The following ATP2B2 variants were observed in gnomAD, a reference collection of about 807,000 sequenced individuals.
ATP2B2 encodes the protein ATPase plasma membrane Ca2+ transporting 2.
Under a neutral mutation model 120.0 loss-of-function variants are expected in ATP2B2, and 15 were observed. The ratio of observed to expected loss-of-function variants is 0.12; its 90% CI spans 0.08 to 0.19. The LOEUF is 0.19. ATP2B2 is among the 10% of genes least tolerant of loss of function. ATP2B2 has a pLI of 1.00. For synonymous variants in ATP2B2, 694 were observed against 700.3 expected (o/e 0.99, Z 0.14); for missense variants, 1,045 against 1,719.8 (o/e 0.61, Z 6.94).
At chr3:10,369,102 T>C (rs557039120) in intron 12 of ATP2B2, among the ~76,000 whole-genome samples, 42 of 152,354 alleles carry the variant, frequency 2.8e-4, no homozygotes, top group African/African-American at 9.9e-4. Context: ...TTTCCCAGTC[T>C]AGGCTCATTT....
At chr3:10,524,542 T>C (rs371778100) in intron 3 of ATP2B2, among the ~76,000 whole-genome samples, 42 of 152,162 alleles carry the variant, frequency 2.8e-4, no homozygotes, top group African/African-American at 8.9e-4. Flanking sequence ...GCTGCTCCTC[T>C]TCCTCTTTTC....
intron 5 of ATP2B2, among the ~76,000 whole-genome samples, chr3:10,390,745 G>A (rs956982854): frequency 1.3e-5 from 2 of 152,188 alleles, no homozygotes; most frequent in African/African-American, 2.4e-5. Flanking sequence ...GAAGGACAGT[G>A]CTTTTTTTCC....
intron 1 of ATP2B2, among the ~76,000 whole-genome samples, chr3:10,656,136 G>A (rs1417962476): frequency 6.6e-6 from 1 of 152,180 alleles, no homozygotes. Flanking sequence ...GAGTTTGGAG[G>A]AGGGAAGGTA....
intron 2 of ATP2B2, among the ~76,000 whole-genome samples, chr3:10,572,310 G>A (rs1401932115): frequency 6.6e-6 from 1 of 152,146 alleles, no homozygotes; most frequent in East Asian, 1.9e-4. Flanking sequence ...TAATACACAG[G>A]CCGAAAAACA....
rs201559992 is a variant in ATP2B2, at chr3:10,643,815, G to GA, written c.-459-23855dup. 1.3e-3 allele frequency among the ~76,000 whole-genome samples: 201 copies of GA among 150,222 alleles called. 7 individuals carry two copies. The highest frequency in any genetic ancestry group is 0.011 in the Admixed American group (167 of 15,116). ...TCCTAGACTGGATCCTGTGCTGGAGGAAAAAAAAATGGGTCAATTGACAAA... is the reference window on the plus strand; with the variant it reads ...TCCTAGACTGGATCCTGTGCTGGAGGAAAAAAAAAATGGGTCAATTGACAAA... On this transcript the variant is annotated intron_variant, in intron 1 of 21. Transcript: ENST00000646379.
chr3:10,663,382 C>T (rs1181384691), intron 1 of ATP2B2, among the ~76,000 whole-genome samples: 1 of 152,054 alleles, frequency 6.6e-6, no homozygotes, highest in Admixed American at 6.6e-5. Flanking sequence ...CAGCCAGGGA[C>T]AGGGGAAAAA....
rs564958958 is a variant in ATP2B2, at chr3:10,498,404, G to A, written c.-320+7061C>T. ...CTTCAGAAGGATCAGTGAGCTGGAG[G>A]CCAGCACCCTCTGCTCCGGATGAGC... is the stretch of plus-strand genomic sequence containing the variant. On this transcript the variant is annotated intron_variant, in intron 1 of 22. Coordinates refer to ENST00000360273, the MANE Select transcript of ATP2B2 (RefSeq NM_001001331.4). Among the ~76,000 whole-genome samples, 14 of 152,386 alleles carry A rather than the reference G, an allele frequency of 9.2e-5. No individual in the cohort carries two copies. The South Asian group carries it at 2.9e-3, about 32-fold the overall frequency.
intron 2 of ATP2B2, among the ~76,000 whole-genome samples, chr3:10,434,446 G>A (rs186545489): frequency 6.6e-6 from 1 of 152,182 alleles, no homozygotes; most frequent in Non-Finnish European, 1.5e-5. Flanking sequence ...TTCAGCAGGT[G>A]GTGGCACAAC....
At chr3:10,407,598 TG>T (rs1471741801) in intron 3 of ATP2B2, among the ~76,000 whole-genome samples, 3 of 152,296 alleles carry the variant, frequency 2.0e-5, no homozygotes, top group South Asian at 2.1e-4. Context: ...AGGCGGGCAG[TG>T]GACCTCTGAG....
chr3:10,350,364 T>C lies in ATP2B2; in HGVS notation c.2316+34A>G, dbSNP rs756041328. 7.4e-6 allele frequency: 12 copies of C among 1,613,966 alleles called. No homozygotes were observed. The East Asian group carries it at 2.2e-4, about 30-fold the overall frequency. ...ACCTCCCAGCTCCCATCTGAGCGCG[T>C]TCCCCTGAGGATGCTTTACGTTGGG... is the stretch of plus-strand genomic sequence containing the variant. On this transcript the variant is annotated intron_variant, in intron 15 of 22. Transcript: ENST00000360273.
rs576438380 is a variant in ATP2B2, at chr3:10,398,569, G to A, written c.781+2384C>T. ...TGGGATCCCTGCTGAGACATGGAAT[G>A]CCTTCTGTCTGTCCCCAGTCCCCTT... On this transcript the variant is annotated intron_variant, in intron 5 of 22. Coordinates refer to ENST00000360273, the MANE Select transcript of ATP2B2 (RefSeq NM_001001331.4). Among the ~76,000 whole-genome samples the A allele has an allele frequency of 3.9e-5, 6 of 152,324 alleles. No homozygotes were observed. The East Asian group carries it at 9.7e-4, about 25-fold the overall frequency.
intron 2 of ATP2B2, among the ~76,000 whole-genome samples, chr3:10,432,506 C>T (rs1186451034): frequency 1.3e-5 from 2 of 152,236 alleles, no homozygotes; most frequent in African/African-American, 2.4e-5. Context: ...GAGAGTTTTG[C>T]GGCCTGGCCT....
intron 1 of ATP2B2, among the ~76,000 whole-genome samples, chr3:10,629,348 TATAC>T (rs2069798551): frequency 6.6e-6 from 1 of 152,202 alleles, no homozygotes; most frequent in Non-Finnish European, 1.5e-5. Context: ...GATCTGGGTA[TATAC>T]ATTATCTGGG....
chr3:10,704,327 C>T (rs192467952), intron 1 of ATP2B2, among the ~76,000 whole-genome samples: 5 of 152,304 alleles, frequency 3.3e-5, no homozygotes, highest in African/African-American at 1.2e-4. Context: ...TAAAACCATG[C>T]TAGTTTCTCT....
intron 2 of ATP2B2, among the ~76,000 whole-genome samples, chr3:10,543,496 T>G (rs941613630): frequency 6.6e-6 from 1 of 152,238 alleles, no homozygotes; most frequent in African/African-American, 2.4e-5. Context: ...GGAATCCAAC[T>G]ACCTTCAAGT....
chr3:10,519,741 G>C (rs1275052018), intron 3 of ATP2B2, among the ~76,000 whole-genome samples: 1 of 152,224 alleles, frequency 6.6e-6, no homozygotes, highest in African/African-American at 2.4e-5. Context: ...TATTGTTTGG[G>C]TGTTTACTGT....
chr3:10,385,423 C>T (rs1324298855), intron 7 of ATP2B2, 96 bp from the exon 8 acceptor site: 2 of 1,055,320 alleles, frequency 1.9e-6, no homozygotes, highest in Non-Finnish European at 2.8e-6. Context: ...GATAACATGA[C>T]TCTATTCTTA....
At chr3:10,438,287 G>C (rs1260895246) in intron 2 of ATP2B2, among the ~76,000 whole-genome samples, 4 of 152,302 alleles carry the variant, frequency 2.6e-5, no homozygotes, top group East Asian at 3.9e-4. Flanking sequence ...TGTGCTGAAG[G>C]GGGAGGCCCC....
intron 22 of ATP2B2, among the ~76,000 whole-genome samples, chr3:10,334,404 G>C (rs949571841): frequency 2.0e-5 from 3 of 152,208 alleles, no homozygotes; most frequent in African/African-American, 7.2e-5. Flanking sequence ...TGGGGGTGCT[G>C]AGCAAGGCCA....
Sources: allele counts gnomAD v4.1 joint callset (sites outside exome capture counted in the v4.1 genomes callset), GRCh38; gene constraint gnomAD v4.1.1; transcripts MANE v1.5; gene names NCBI Gene and HGNC (gene_info 2026-07-23, HGNC 2026-07-21).